The following FAM53A variants were observed in gnomAD, a reference collection of about 807,000 sequenced individuals.
The protein encoded by FAM53A is protein FAM53A.
FAM53A carries 28 observed loss-of-function variants against 26.6 expected under a neutral mutation model. That is an observed-to-expected ratio of 1.05 (90% CI 0.78 to 1.45). The LOEUF (loss-of-function observed/expected upper bound fraction) is 1.45, where lower values mean the gene tolerates loss of function less well. Ranked by LOEUF, FAM53A falls within the 40% of genes most tolerant of loss-of-function variation. The pLI, the probability that FAM53A is intolerant of heterozygous loss-of-function variation, is 0.00. For missense variants in FAM53A, 650 were observed against 575.8 expected, an observed-to-expected ratio of 1.13 and a Z score of -1.32; for synonymous variants, 290 against 253.1, an observed-to-expected ratio of 1.15 and a Z score of -1.38.
the FAM53A span, among the ~76,000 whole-genome samples, chr4:1,606,968 G>A: frequency 6.6e-5 from 10 of 152,204 alleles, no homozygotes; most frequent in Admixed American, 3.9e-4. Context: ...AACAGGGCAC[G>A]AGGGTTTCGG....
chr4:1,666,505 C>T (rs1281075180), intron 2 of FAM53A, among the ~76,000 whole-genome samples: 5 of 152,266 alleles, frequency 3.3e-5, no homozygotes, highest in Admixed American at 1.3e-4. Context: ...GGTCACCCCA[C>T]ACCAGGACAT....
downstream of FAM53A, among the ~76,000 whole-genome samples, chr4:1,636,175 C>T (rs1715830405): frequency 6.6e-6 from 1 of 152,144 alleles, no homozygotes; most frequent in Non-Finnish European, 1.5e-5. Flanking sequence ...AATGTACTGG[C>T]ATTTGCTTTC....
chr4:1,676,835 C>T lies in FAM53A; in HGVS notation c.-165+7398G>A, dbSNP rs74827657. On this transcript the variant is annotated intron_variant, in intron 1 of 4. Transcript: ENST00000308132. ...TGTCAAGTCATCGCTGACATTATCA[C>T]GTCACTATAGTGTTTCCAGTTAGGC... is the stretch of plus-strand genomic sequence containing the variant. Among the ~76,000 whole-genome samples the T allele has an allele frequency of 9.2e-3, 1,401 of 152,296 alleles. 21 individuals are homozygous for T. Among genetic ancestry groups the T allele is most frequent in the African/African-American group, 0.031 (1,300 of 41,566 alleles).
At chr4:1,658,541 C>A (rs531372152) in intron 2 of FAM53A, among the ~76,000 whole-genome samples, 1 of 152,342 alleles carries the variant, frequency 6.6e-6, no homozygotes, top group East Asian at 1.9e-4. Flanking sequence ...GAGTGTGGTG[C>A]TGGTCCAGGG....
At chr4:1,617,976 G>C (rs926007126) in exon 2 of FAM53A, 1 of 454,362 alleles carries the variant, frequency 2.2e-6, no homozygotes, top group African/African-American at 2.0e-5. Context: ...CACCACAACA[G>C]AACTGACGTG....
At chr4:1,587,483 C>T in the FAM53A span, among the ~76,000 whole-genome samples, 4 of 152,134 alleles carry the variant, frequency 2.6e-5, no homozygotes, top group Admixed American at 6.5e-5. Context: ...ATCAGCCCGA[C>T]CAACATGGTG....
chr4:1,612,982 C>T (rs1714682978), downstream of FAM53A, among the ~76,000 whole-genome samples: 1 of 152,230 alleles, frequency 6.6e-6, no homozygotes, highest in Non-Finnish European at 1.5e-5. Flanking sequence ...CATGCACACG[C>T]AAGCACAGAC....
intron 1 of FAM53A, among the ~76,000 whole-genome samples, chr4:1,672,041 AC>A (rs1304947779): frequency 6.6e-6 from 1 of 150,566 alleles, no homozygotes; most frequent in Non-Finnish European, 1.5e-5. Flanking sequence ...GAACCCATGA[AC>A]CTCAGAACCC....
chr4:1,676,719 C>T (rs1034709611), intron 1 of FAM53A, among the ~76,000 whole-genome samples: 1 of 152,186 alleles, frequency 6.6e-6, no homozygotes, highest in Non-Finnish European at 1.5e-5. Flanking sequence ...CCCCTCTGAG[C>T]ATCATCTGCT....
At position 1,655,033 on chromosome 4, in the gene FAM53A, C is replaced by A; in HGVS notation, c.827G>T (p.Arg276Leu). ...SGKRSRRKRR[R>L]EEDARWTRPS... Reference sequence around the variant, plus strand: ...GCGTGTCCACCTGGCGTCCTCCTCACGCCTCCGTTTGCGCCGGCTCCTCTT... The same window carrying A: ...GCGTGTCCACCTGGCGTCCTCCTCAAGCCTCCGTTTGCGCCGGCTCCTCTT... The change falls in exon 4 of 5, where the codon CGT (arginine) becomes CTT (leucine). Residue 276 changes from arginine (R) to leucine (L), a missense_variant. Coordinates refer to ENST00000308132, the MANE Select transcript of FAM53A (RefSeq NM_001174070.3). 6.3e-7 allele frequency: 1 copy of A among 1,577,228 alleles called. No individual in the cohort carries two copies. The highest frequency in any genetic ancestry group is 8.6e-7 in the Non-Finnish European group (1 of 1,161,720).
At chr4:1,610,792 G>A in the FAM53A span, among the ~76,000 whole-genome samples, 1 of 152,108 alleles carries the variant, frequency 6.6e-6, no homozygotes, top group East Asian at 1.9e-4. Flanking sequence ...GGGCAGGGCA[G>A]CCAGACGCCC....
At chr4:1,627,217 G>T (rs1446292193) in intron 1 of FAM53A, among the ~76,000 whole-genome samples, 4 of 152,188 alleles carry the variant, frequency 2.6e-5, no homozygotes, top group Admixed American at 2.0e-4. Flanking sequence ...TCAGGGCCCA[G>T]CCCAGCAGGA....
At chr4:1,635,001 A>G (rs756751492), downstream of FAM53A, among the ~76,000 whole-genome samples, 12 of 152,042 alleles carry the variant, frequency 7.9e-5, no homozygotes, top group Non-Finnish European at 1.6e-4. Flanking sequence ...CTGCAGGACT[A>G]TTTACAGGTT....
At chr4:1,591,386 A>C in the FAM53A span, among the ~76,000 whole-genome samples, 1 of 152,080 alleles carries the variant, frequency 6.6e-6, no homozygotes, top group Non-Finnish European at 1.5e-5. Context: ...GGGACCTGTG[A>C]TGCACCTAAA....
rs552183724 is a variant in FAM53A at position 1,618,547 on chromosome 4, G to A, written c.432-436C>T. Among the ~76,000 whole-genome samples, 6 of 152,360 alleles carry A rather than the reference G, an allele frequency of 3.9e-5. No homozygotes were observed. The South Asian group carries it at 1.2e-3, about 32-fold the overall frequency. On this transcript the variant is annotated intron_variant, in intron 1 of 1. Coordinates refer to the FAM53A transcript ENST00000489029. ...CTGTGCCCACCTGGAGGTGTGGGCT[G>A]GAGCTGCATGGGGACGGCAGCTCTG...
the FAM53A span, among the ~76,000 whole-genome samples, chr4:1,577,613 C>T: frequency 1.3e-5 from 2 of 152,192 alleles, no homozygotes; most frequent in Non-Finnish European, 2.9e-5. Flanking sequence ...GCAGGTTCCC[C>T]GGCTGCCTGT....
chr4:1,672,691 G>A (rs1450690471), intron 1 of FAM53A, among the ~76,000 whole-genome samples: 4 of 150,344 alleles, frequency 2.7e-5, no homozygotes, highest in East Asian at 3.9e-4. Context: ...TGAACCCAGC[G>A]ATCAATGTGA....
At chr4:1,638,646 C>T (rs770168610), downstream of FAM53A, among the ~76,000 whole-genome samples, 5 of 152,252 alleles carry the variant, frequency 3.3e-5, no homozygotes, top group Non-Finnish European at 5.9e-5. Flanking sequence ...CAGGACCAGA[C>T]GCTCCGTCAA....
At chr4:1,619,889 G>A (rs74911717) in intron 1 of FAM53A, among the ~76,000 whole-genome samples, 13,182 of 152,190 alleles carry the variant, frequency 0.087, 612 homozygotes, top group Middle Eastern at 0.19. Context: ...CTCGCCTCAT[G>A]GTCTCCACAT....
Sources: gnomAD v4.1 joint callset for allele counts (sites outside exome capture counted in the v4.1 genomes callset) on GRCh38, gnomAD v4.1.1 for gene constraint, MANE v1.5 for transcripts, NCBI Gene and HGNC (gene_info 2026-07-23, HGNC 2026-07-21) for gene names.